Variants in ZFAT observed in about 807,000 individuals in gnomAD.
The protein encoded by ZFAT is zinc finger and AT-hook domain containing, also known as zinc finger protein ZFAT.
In ZFAT, 64 loss-of-function variants were observed where a neutral mutation model predicts 117.7. The ratio of observed to expected loss-of-function variants is 0.54; its 90% CI spans 0.44 to 0.67. ZFAT has a LOEUF of 0.67. Ranked by LOEUF, ZFAT falls within the 30% of genes least tolerant of loss-of-function variation. ZFAT has a pLI of 0.00. For missense variants in ZFAT, 1,433 were observed against 1,584.5 expected (o/e 0.90, Z 1.62); for synonymous variants, 679 against 615.0 (o/e 1.10, Z -1.54).
the ZFAT span, among the ~76,000 whole-genome samples, chr8:134,755,142 G>A: frequency 2.0e-5 from 3 of 151,688 alleles, no homozygotes; most frequent in Admixed American, 6.6e-5. Context: ...GGTGGCTCAC[G>A]CCTGTAATCC....
At chr8:134,730,196 A>G in the ZFAT span, among the ~76,000 whole-genome samples, 7 of 152,190 alleles carry the variant, frequency 4.6e-5, no homozygotes, top group Non-Finnish European at 1.0e-4. Context: ...CACTCTCCTC[A>G]TCTCCAGAGG....
At chr8:134,622,119 A>G (rs561175865) in intron 3 of ZFAT, among the ~76,000 whole-genome samples, 3 of 152,282 alleles carry the variant, frequency 2.0e-5, no homozygotes, top group Non-Finnish European at 4.4e-5. Flanking sequence ...GCCCAATTAT[A>G]TACATGAAAG....
intron 13 of ZFAT, among the ~76,000 whole-genome samples, chr8:134,519,449 T>C (rs1016081214): frequency 2.0e-5 from 3 of 152,346 alleles, no homozygotes; most frequent in South Asian, 2.1e-4. Context: ...TGTGTGCATA[T>C]ATTAGCATAT....
chr8:134,610,758 C>G, intron 3 of ZFAT, 103 bp from the exon 4 acceptor site: 1 of 1,389,600 alleles, frequency 7.2e-7, no homozygotes, highest in Non-Finnish European at 9.8e-7. Flanking sequence ...AAACACAGCT[C>G]TTTGGTCTGC....
At chr8:134,707,665 TC>T (rs1338610587) in intron 1 of ZFAT, among the ~76,000 whole-genome samples, 1 of 152,086 alleles carries the variant, frequency 6.6e-6, no homozygotes, top group African/African-American at 2.4e-5. Flanking sequence ...GGTCCTCTTT[TC>T]CCCCACTGCC....
chr8:134,804,797 G>A, the ZFAT span: 1 of 501,560 alleles, frequency 2.0e-6, no homozygotes, highest in Non-Finnish European at 4.1e-6. Context: ...AGATTTCTGA[G>A]GTTTTCCCAC....
chr8:134,666,175 T>A (rs376210643), intron 1 of ZFAT, among the ~76,000 whole-genome samples: 4 of 152,234 alleles, frequency 2.6e-5, no homozygotes, highest in East Asian at 3.9e-4. Flanking sequence ...AGAGGCCCAG[T>A]TGGGAGCCTG....
chr8:134,541,075 C>A (rs1166312526), intron 11 of ZFAT, among the ~76,000 whole-genome samples: 1 of 152,158 alleles, frequency 6.6e-6, no homozygotes, highest in African/African-American at 2.4e-5. Context: ...GCTCTGTCAG[C>A]GCTTCCTCAC....
chr8:134,552,054 T>C (rs1194452696), intron 11 of ZFAT, among the ~76,000 whole-genome samples: 1 of 152,214 alleles, frequency 6.6e-6, no homozygotes, highest in East Asian at 1.9e-4. Context: ...GTTGGAATAA[T>C]TAGTTTGCTG....
intron 12 of ZFAT, among the ~76,000 whole-genome samples, chr8:134,531,657 T>C (rs544215040): frequency 1.3e-4 from 20 of 152,268 alleles, no homozygotes; most frequent in African/African-American, 4.8e-4. Context: ...ACCTTCCCAC[T>C]GCATATCCTG....
At chr8:134,794,223 A>G in the ZFAT span, 1 of 152,354 alleles carries the variant, frequency 6.6e-6, no homozygotes, top group Admixed American at 6.5e-5. Flanking sequence ...AGGGTTAGCT[A>G]ATATTTAATA....
chr8:134,811,353 A>G, the ZFAT span, among the ~76,000 whole-genome samples: 2 of 152,192 alleles, frequency 1.3e-5, no homozygotes, highest in African/African-American at 4.8e-5. Context: ...TCAAAAGGGT[A>G]CTCAGTCAAT....
At chr8:134,722,154 A>C in the ZFAT span, among the ~76,000 whole-genome samples, 13 of 151,552 alleles carry the variant, frequency 8.6e-5, no homozygotes, top group South Asian at 4.2e-4. Context: ...CTCACGGGAG[A>C]AAAAAAGCTC....
At chr8:134,710,858 G>A (rs1813966220) in intron 1 of ZFAT, among the ~76,000 whole-genome samples, 1 of 152,128 alleles carries the variant, frequency 6.6e-6, no homozygotes, top group Non-Finnish European at 1.5e-5. Flanking sequence ...CATCATTCCC[G>A]ACTCTGAATT....
intron 13 of ZFAT, among the ~76,000 whole-genome samples, chr8:134,520,653 C>A (rs1820590342): frequency 6.6e-6 from 1 of 152,134 alleles, no homozygotes; most frequent in South Asian, 2.1e-4. Context: ...CACAAACTTT[C>A]ACAAGAGAGT....
Position 134,512,620 on chromosome 8 carries a change from C to G in ZFAT, c.3235-19G>C. 6.2e-7 allele frequency: 1 copy of G among 1,607,430 alleles called. No homozygotes were observed. On this transcript the variant is annotated intron_variant, in intron 13 of 15. Coordinates refer to ENST00000377838, the MANE Select transcript of ZFAT (RefSeq NM_020863.4). ...TTGCTGTCTAAATAAAAACATAGTA[C>G]CTAAGTCATCTCCTAAAAGATTGAC...
intron 11 of ZFAT, among the ~76,000 whole-genome samples, chr8:134,551,734 C>T (rs912662040): frequency 1.3e-5 from 2 of 152,218 alleles, no homozygotes; most frequent in African/African-American, 4.8e-5. Context: ...GCCACATCCT[C>T]GGCTGACCTC....
At chr8:134,699,280 A>G (rs1435836959) in intron 1 of ZFAT, among the ~76,000 whole-genome samples, 3 of 152,242 alleles carry the variant, frequency 2.0e-5, no homozygotes, top group African/African-American at 2.4e-5. Context: ...TCTAAGGAAC[A>G]ATAAGGCTCA....
At chr8:134,665,669 C>A (rs1832177940) in intron 1 of ZFAT, among the ~76,000 whole-genome samples, 3 of 151,960 alleles carry the variant, frequency 2.0e-5, no homozygotes. Context: ...CGAGCATTCC[C>A]TCTGAGAGTC....
Sources: allele counts gnomAD v4.1 joint callset (sites outside exome capture counted in the v4.1 genomes callset), GRCh38; gene constraint gnomAD v4.1.1; transcripts MANE v1.5; gene names NCBI Gene and HGNC (gene_info 2026-07-23, HGNC 2026-07-21).